Variants in NDNF observed in about 807,000 individuals in gnomAD.
NDNF encodes the protein neuron derived neurotrophic factor, also known as protein NDNF.
In NDNF, 16 loss-of-function variants were observed where a neutral mutation model predicts 42.0. The ratio of observed to expected loss-of-function variants is 0.38; its 90% CI spans 0.26 to 0.58. The LOEUF (loss-of-function observed/expected upper bound fraction) is 0.58. Ranked by LOEUF, NDNF falls within the 20% of genes least tolerant of loss-of-function variation. NDNF has a pLI of 0.67. For synonymous variants in NDNF, 248 were observed against 251.7 expected (o/e 0.99, Z 0.14); for missense variants, 616 against 666.2 (o/e 0.92, Z 0.83).
At chr4:121,052,950 T>A (rs1727224697) in intron 1 of NDNF, among the ~76,000 whole-genome samples, 1 of 152,186 alleles carries the variant, frequency 6.6e-6, no homozygotes, top group Admixed American at 6.5e-5. Context: ...GGATTCCTGG[T>A]CTGCCCTGAC....
chr4:121,048,925 A>T (rs950778148), intron 1 of NDNF, among the ~76,000 whole-genome samples: 2 of 152,156 alleles, frequency 1.3e-5, no homozygotes, highest in East Asian at 1.9e-4. Flanking sequence ...AGTTCTTTAT[A>T]TATATTATTT....
At position 121,036,379 on chromosome 4, in the gene NDNF, G is replaced by A. The variant is rs574941094; in HGVS notation, c.1592C>T (p.Thr531Ile). 1 of 1,614,116 alleles carries A rather than the reference G, an allele frequency of 6.2e-7. No homozygotes were observed. The highest frequency in any genetic ancestry group is 8.5e-7 in the Non-Finnish European group (1 of 1,180,008). ...QNLQKAVTTE[T>I]IKGLQPGKSY... ...TTTGCCAGGCTGAAGACCTTTAATT[G>A]TTTCTGTGGTCACTGCTTTCTGCAG... The change falls in exon 4 of 4, where the codon ACA (threonine) becomes ATA (isoleucine). Residue 531 changes from threonine to isoleucine, a missense_variant. Coordinates refer to ENST00000379692, the MANE Select transcript of NDNF (RefSeq NM_024574.4).
intron 1 of NDNF, among the ~76,000 whole-genome samples, chr4:121,068,171 A>G (rs1408312722): frequency 6.6e-6 from 1 of 152,244 alleles, no homozygotes; most frequent in Admixed American, 6.5e-5. Flanking sequence ...CAACAGCAGC[A>G]AAGTATTTAC....
At chr4:121,063,004 A>G (rs1727439964) in intron 1 of NDNF, among the ~76,000 whole-genome samples, 1 of 151,958 alleles carries the variant, frequency 6.6e-6, no homozygotes, top group African/African-American at 2.4e-5. Context: ...TAAACTTTGG[A>G]ATTTTTGGAG....
intron 2 of NDNF, among the ~76,000 whole-genome samples, chr4:121,041,977 TACTC>T (rs1727006256): frequency 6.6e-6 from 1 of 152,146 alleles, no homozygotes. Context: ...TTGTGACTCA[TACTC>T]ACATTTAGAG....
At chr4:121,041,511 C>A (rs1296437060) in intron 2 of NDNF, among the ~76,000 whole-genome samples, 3 of 152,200 alleles carry the variant, frequency 2.0e-5, no homozygotes, top group African/African-American at 7.2e-5. Flanking sequence ...CTCTTTTCTA[C>A]CTATGCTCAC....
chr4:121,037,820 T>C (rs1726905765), intron 3 of NDNF, 163 bp from the exon 4 acceptor site: 1 of 538,458 alleles, frequency 1.9e-6, no homozygotes. Flanking sequence ...ATTTTGACCA[T>C]TATACATAAT....
chr4:121,054,663 T>C (rs1415567618), intron 1 of NDNF, among the ~76,000 whole-genome samples: 1 of 152,178 alleles, frequency 6.6e-6, no homozygotes, highest in Non-Finnish European at 1.5e-5. Context: ...AAATAGCTGG[T>C]GCAAAGGCAC....
intron 1 of NDNF, among the ~76,000 whole-genome samples, chr4:121,053,883 T>C (rs72911696): frequency 0.06 from 9,171 of 152,258 alleles, 881 homozygotes; most frequent in African/African-American, 0.21. Context: ...CTGTGCAACA[T>C]TCCCCAAAGC....
At chr4:121,041,070 T>A (rs573023326) in intron 2 of NDNF, among the ~76,000 whole-genome samples, 6 of 152,330 alleles carry the variant, frequency 3.9e-5, no homozygotes, top group African/African-American at 1.4e-4. Context: ...TTGAATTAAA[T>A]AACTTAATGA....
At chr4:121,049,512 G>C (rs957123793) in intron 1 of NDNF, among the ~76,000 whole-genome samples, 8 of 152,170 alleles carry the variant, frequency 5.3e-5, no homozygotes, top group Non-Finnish European at 7.3e-5. Context: ...ACGTCACTCT[G>C]AGTAATAAAG....
chr4:121,058,231 C>T (rs1192514354), intron 1 of NDNF, among the ~76,000 whole-genome samples: 4 of 152,180 alleles, frequency 2.6e-5, no homozygotes, highest in Admixed American at 6.5e-5. Context: ...ATCTGAAATA[C>T]TCCCATCAGA....
At chr4:121,054,740 G>A (rs1232822156) in intron 1 of NDNF, among the ~76,000 whole-genome samples, 110 of 152,322 alleles carry the variant, frequency 7.2e-4, no homozygotes, top group Non-Finnish European at 1.2e-4. Context: ...CAGTGGGTGA[G>A]GGAAGAATGG....
chr4:121,053,167 GCATTT>G (rs1727230374), intron 1 of NDNF, among the ~76,000 whole-genome samples: 1 of 152,182 alleles, frequency 6.6e-6, no homozygotes, highest in African/African-American at 2.4e-5. Flanking sequence ...ACCTGCACAT[GCATTT>G]CAACTGCAAT....
At chr4:121,054,372 A>C (rs1223667928) in intron 1 of NDNF, among the ~76,000 whole-genome samples, 2 of 152,210 alleles carry the variant, frequency 1.3e-5, no homozygotes, top group Non-Finnish European at 2.9e-5. Flanking sequence ...TTTTTGCTAC[A>C]TGCCAGGTAC....
At position 121,072,093 on chromosome 4, in the gene NDNF, A is replaced by C. The variant is rs1324618661; in HGVS notation, c.-102T>G. On this transcript the variant is annotated 5_prime_UTR_variant, in exon 1 of 4. Coordinates refer to ENST00000379692, the MANE Select transcript of NDNF (RefSeq NM_024574.4). The stretch of plus-strand genomic sequence containing the variant: ...GTCCCCGGACCCTGCCAAGATGCTA[A>C]GCACCAATATCCAGGAACGAGAAGC... 6.6e-6 allele frequency: 1 copy of C among 152,316 alleles called. No individual in the cohort carries two copies. Among genetic ancestry groups the C allele is most frequent in the Non-Finnish European group, 1.5e-5 (1 of 68,104 alleles). The allele number at this position is 152,316 out of a possible 1,614,324, so 9.4% of individuals were successfully genotyped here.
chr4:121,070,793 C>T (rs956189731), intron 1 of NDNF, among the ~76,000 whole-genome samples: 1 of 152,140 alleles, frequency 6.6e-6, no homozygotes, highest in Admixed American at 6.5e-5. Flanking sequence ...GTTCATTTCC[C>T]GCTCAAGGTC....
intron 1 of NDNF, among the ~76,000 whole-genome samples, chr4:121,048,466 A>G (rs1184537680): frequency 1.3e-5 from 2 of 152,214 alleles, no homozygotes; most frequent in Non-Finnish European, 2.9e-5. Context: ...AGTTGGAAAA[A>G]TAGTGTCGAT....
intron 1 of NDNF, among the ~76,000 whole-genome samples, chr4:121,051,368 T>C (rs1727191088): frequency 1.3e-5 from 2 of 152,182 alleles, no homozygotes; most frequent in South Asian, 2.1e-4. Context: ...AGCCTTTCTT[T>C]AGCATTAATT....
Sources: allele counts gnomAD v4.1 joint callset (sites outside exome capture counted in the v4.1 genomes callset), GRCh38; gene constraint gnomAD v4.1.1; transcripts MANE v1.5; gene names NCBI Gene and HGNC (gene_info 2026-07-23, HGNC 2026-07-21).